The following GRAMD1B variants were observed in gnomAD, a reference collection of about 807,000 sequenced individuals.
GRAMD1B encodes the protein GRAM domain containing 1B.
Under a neutral mutation model 99.7 loss-of-function variants are expected in GRAMD1B, and 37 were observed. The observed-to-expected ratio is 0.37, with a 90% CI of 0.29 to 0.49. GRAMD1B has a LOEUF of 0.49. Ranked by LOEUF, GRAMD1B falls within the 20% of genes least tolerant of loss-of-function variation. The pLI, the probability that GRAMD1B is intolerant of heterozygous loss-of-function variation, is 0.98. For missense variants in GRAMD1B, 888 were observed against 1,009.2 expected, an observed-to-expected ratio of 0.88 and a Z score of 1.63; for synonymous variants, 427 against 387.6, an observed-to-expected ratio of 1.10 and a Z score of -1.19.
intron 3 of GRAMD1B, among the ~76,000 whole-genome samples, 162 bp downstream of exon 3, chr11:123,577,739 A>G (rs1249225337): frequency 4.0e-5 from 6 of 151,212 alleles, no homozygotes; most frequent in Non-Finnish European, 5.9e-5. Flanking sequence ...GGCAGGCAGG[A>G]GAGACCCTAG....
At chr11:123,478,864 C>T (rs959158006) in intron 1 of GRAMD1B, among the ~76,000 whole-genome samples, 1 of 152,144 alleles carries the variant, frequency 6.6e-6, no homozygotes, top group Non-Finnish European at 1.5e-5. Flanking sequence ...GCTTCTGGAG[C>T]TGTGTGGGCT....
chr11:123,420,042 C>G (rs560700706), intron 1 of GRAMD1B, among the ~76,000 whole-genome samples: 1 of 152,266 alleles, frequency 6.6e-6, no homozygotes, highest in South Asian at 2.1e-4. Context: ...CATTGCCTGA[C>G]TACATTCTGG....
chr11:123,552,600 A>G (rs1448435858), intron 2 of GRAMD1B, among the ~76,000 whole-genome samples: 4 of 152,190 alleles, frequency 2.6e-5, no homozygotes, highest in African/African-American at 9.7e-5. Flanking sequence ...AGATTACAGT[A>G]AATGTAATCG....
chr11:123,375,017 T>C (rs537313940), intron 1 of GRAMD1B, among the ~76,000 whole-genome samples: 3 of 152,338 alleles, frequency 2.0e-5, no homozygotes, highest in Non-Finnish European at 4.4e-5. Context: ...ATTTTTTTAC[T>C]AAAAATCTTT....
chr11:123,445,525 A>C (rs1169820092), intron 1 of GRAMD1B, among the ~76,000 whole-genome samples: 2 of 152,010 alleles, frequency 1.3e-5, no homozygotes, highest in East Asian at 3.9e-4. Context: ...TTTAAAAAAA[A>C]GACTCTGGGG....
chr11:123,570,522 C>A (rs967266108), intron 2 of GRAMD1B, among the ~76,000 whole-genome samples: 3 of 146,184 alleles, frequency 2.1e-5, no homozygotes, highest in Admixed American at 1.4e-4. Flanking sequence ...CTCCTGGGTT[C>A]AACTGATTGT....
chr11:123,472,672 G>A (rs1041695932), intron 1 of GRAMD1B, among the ~76,000 whole-genome samples: 3 of 152,218 alleles, frequency 2.0e-5, no homozygotes, highest in Non-Finnish European at 4.4e-5. Context: ...AGGAGGTGGT[G>A]TCTGATTTAT....
chr11:123,411,454 A>G (rs2135970849), intron 1 of GRAMD1B, among the ~76,000 whole-genome samples: 1 of 152,258 alleles, frequency 6.6e-6, no homozygotes, highest in Non-Finnish European at 1.5e-5. Context: ...TGGCTTTGGG[A>G]ATCCTGGTAG....
chr11:123,422,347 A>G (rs1948472682), intron 1 of GRAMD1B, among the ~76,000 whole-genome samples: 1 of 152,246 alleles, frequency 6.6e-6, no homozygotes, highest in African/African-American at 2.4e-5. Flanking sequence ...TACTGCCTCA[A>G]GATGCATTGT....
At chr11:123,402,119 G>A (rs1363503492) in intron 1 of GRAMD1B, among the ~76,000 whole-genome samples, 4 of 152,150 alleles carry the variant, frequency 2.6e-5, no homozygotes, top group African/African-American at 9.7e-5. Context: ...TGGTTCAAGC[G>A]ATTCTCCTGC....
chr11:123,446,845 G>A (rs1292289117), intron 1 of GRAMD1B, among the ~76,000 whole-genome samples: 2 of 151,906 alleles, frequency 1.3e-5, no homozygotes, highest in Non-Finnish European at 1.5e-5. Flanking sequence ...TGAGGTGGGA[G>A]GATAACTTGA....
intron 2 of GRAMD1B, among the ~76,000 whole-genome samples, chr11:123,487,841 A>T (rs1302260697): frequency 6.6e-6 from 1 of 152,118 alleles, no homozygotes; most frequent in Non-Finnish European, 1.5e-5. Flanking sequence ...TCCTGATTTC[A>T]GGGGATCTGC....
At chr11:123,599,060 T>A (rs1399096577) in intron 7 of GRAMD1B, 1 of 1,042,028 alleles carries the variant, frequency 9.6e-7, no homozygotes, top group African/African-American at 1.6e-5. Flanking sequence ...CCTCTTCATC[T>A]GTGAACTCCA....
intron 8 of GRAMD1B, among the ~76,000 whole-genome samples, chr11:123,601,342 G>A (rs1565444403): frequency 1.3e-5 from 2 of 151,588 alleles, no homozygotes; most frequent in South Asian, 2.1e-4. Context: ...CTGTGATTGC[G>A]CCACTGCATT....
intron 1 of GRAMD1B, among the ~76,000 whole-genome samples, chr11:123,408,819 C>T (rs1049090164): frequency 1.3e-5 from 2 of 152,234 alleles, no homozygotes; most frequent in African/African-American, 2.4e-5. Flanking sequence ...TGCCTCCTAA[C>T]GCTGATGCTG....
At chr11:123,559,951 A>T (rs1946531056) in intron 2 of GRAMD1B, among the ~76,000 whole-genome samples, 1 of 152,100 alleles carries the variant, frequency 6.6e-6, no homozygotes, top group African/African-American at 2.4e-5. Flanking sequence ...CACCTCCTTG[A>T]TACAGGTCGA....
chr11:123,414,370 A>T (rs1171011529), intron 1 of GRAMD1B, among the ~76,000 whole-genome samples: 7 of 152,102 alleles, frequency 4.6e-5, no homozygotes, highest in Non-Finnish European at 1.5e-5. Context: ...TTATAATAAT[A>T]ATTATTATTC....
chr11:123,465,487 C>T (rs755920804), intron 1 of GRAMD1B, among the ~76,000 whole-genome samples: 3 of 152,190 alleles, frequency 2.0e-5, no homozygotes, highest in African/African-American at 4.8e-5. Context: ...ACACTTGGGG[C>T]GTGGTGTGGT....
At chr11:123,411,145 T>C (rs906112359) in intron 1 of GRAMD1B, among the ~76,000 whole-genome samples, 4 of 152,008 alleles carry the variant, frequency 2.6e-5, no homozygotes, top group East Asian at 1.9e-4. Context: ...GCTGGGACTA[T>C]AGGCGCCCGC....
Sources: allele counts gnomAD v4.1 joint callset (sites outside exome capture counted in the v4.1 genomes callset), GRCh38; gene constraint gnomAD v4.1.1; transcripts MANE v1.5; gene names NCBI Gene and HGNC (gene_info 2026-07-23, HGNC 2026-07-21).